TMEM130: variants seen among roughly 807,000 people sequenced by gnomAD.
TMEM130 encodes the protein transmembrane protein 130.
A neutral mutation model predicts 42.9 loss-of-function variants in TMEM130; 37 were observed. That is an observed-to-expected ratio of 0.86 (90% CI 0.66 to 1.13). The LOEUF (loss-of-function observed/expected upper bound fraction) is 1.13, where lower values mean the gene tolerates loss of function less well. Ranked by LOEUF, TMEM130 falls within the 50% of genes most tolerant of loss-of-function variation. TMEM130 has a pLI of 0.00. For missense variants in TMEM130, 545 were observed against 562.6 expected (o/e 0.97, Z 0.32); for synonymous variants, 259 against 237.7 (o/e 1.09, Z -0.82).
Position 98,860,463 on chromosome 7 carries a change from C to A in TMEM130, c.392-125G>T, listed in dbSNP as rs377220182. On this transcript the variant is annotated intron_variant, in intron 2 of 7. Coordinates refer to ENST00000339375, the MANE Select transcript of TMEM130 (RefSeq NM_152913.3). ...TGCCCGGACCTTCTGGCTGTCAGAGCTAGGCAGGGAGAGGGGACACCCCCC... is the reference window on the plus strand; with the variant it reads ...TGCCCGGACCTTCTGGCTGTCAGAGATAGGCAGGGAGAGGGGACACCCCCC... 1.8e-4 allele frequency: 180 copies of A among 1,028,412 alleles called. No individual in the cohort carries two copies. In the East Asian group the frequency reaches 2.8e-3, roughly 16 times the overall value. The allele number at this position is 1,028,412 out of a possible 1,614,324, so 63.7% of individuals were successfully genotyped here.
Position 98,869,786 on chromosome 7 carries a change from C to T in TMEM130, c.76G>A (p.Val26Met), listed in dbSNP as rs781938300. ...ACLLPWAPAG[V>M]AAGLYELNLT... ...TTGCCCAGCGCCTTACCTGCGGCCA[C>T]CCCTGCCGGGGCCCAGGGCAGGAGG... is the stretch of plus-strand genomic sequence containing the variant. Residue 26 changes from valine (V) to methionine (M), a missense_variant, in exon 1 of 8, where the codon GTG (valine) becomes ATG (methionine). Physicochemically the swap from Val to Met is conservative, Grantham distance 21 (BLOSUM62 1). Transcript: ENST00000339375. This position sits in a 1 kb window ranked among gnomAD's most constrained non-coding sequence, Gnocchi z 4.7. The T allele has an allele frequency of 1.4e-6, 2 of 1,425,156 alleles. No individual in the cohort carries two copies. The highest frequency in any genetic ancestry group is 2.9e-5 in the South Asian group (2 of 69,300). 88.3% of individuals were successfully genotyped at this position (1,425,156 alleles called of 1,614,324 possible). A position where few individuals can be genotyped will look rare whatever the true frequency, so the allele number is the denominator to read the frequency against.
intron 1 of TMEM130, among the ~76,000 whole-genome samples, chr7:98,868,379 C>T (rs1246989665): frequency 1.3e-5 from 2 of 152,224 alleles, no homozygotes; most frequent in Non-Finnish European, 2.9e-5. Flanking sequence ...GGGGCACTCA[C>T]CCCAAAGCTT....
chr7:98,848,441 T>C (rs1554397719), intron 7 of TMEM130, 142 bp downstream of exon 7: 14 of 759,790 alleles, frequency 1.8e-5, no homozygotes, highest in Admixed American at 4.8e-5. Context: ...AGATGCCTCT[T>C]GGGCACATCA....
chr7:98,869,191 ACC>A lies in TMEM130; in HGVS notation c.85+584_85+585del. 7.8e-7 allele frequency: 1 copy of A among 1,286,612 alleles called. No individual in the cohort carries two copies. The highest frequency in any genetic ancestry group is 1.5e-5 in the African/African-American group (1 of 65,670). The allele number at this position is 1,286,612 out of a possible 1,614,324, so 79.7% of individuals were successfully genotyped here. A position where few individuals can be genotyped will look rare whatever the true frequency, so the allele number is the denominator to read the frequency against. ...ACAACCCTGCTTCCCCCACTCCCCC[ACC>A]CACACACACACCCCAGGAACCTGTC... On this transcript the variant is annotated intron_variant, in intron 1 of 7. Transcript: ENST00000339375. The surrounding 1 kb of genome is among the most constrained non-coding windows in gnomAD (Gnocchi z 4.7).
intron 2 of TMEM130, 122 bp downstream of exon 2, chr7:98,862,973 A>T: frequency 9.7e-7 from 1 of 1,033,068 alleles, no homozygotes; most frequent in Non-Finnish European, 1.3e-6. Flanking sequence ...GAAGGAACCT[A>T]CGGGCCTAAT....
intron 2 of TMEM130, among the ~76,000 whole-genome samples, chr7:98,862,858 GTATTAATGTA>G (rs1324250321): frequency 2.6e-5 from 4 of 152,164 alleles, no homozygotes; most frequent in Admixed American, 2.0e-4. Flanking sequence ...CCACAGGGTT[GTATTAATGTA>G]TACCCTCAGC....
intron 3 of TMEM130, among the ~76,000 whole-genome samples, chr7:98,858,435 G>A (rs894396926): frequency 1.3e-5 from 2 of 151,946 alleles, no homozygotes; most frequent in Non-Finnish European, 2.9e-5. Context: ...CCAGCTACTC[G>A]AGAGGTCGAG....
In TMEM130 at chr7:98,851,495, T is replaced by G; in HGVS notation, c.932A>C (p.Tyr311Ser). Residue 311 changes from tyrosine to serine, a missense_variant, in exon 6 of 8, where the codon TAC becomes TCC. Physicochemically the swap from Tyr to Ser is moderately radical, Grantham distance 144 (BLOSUM62 -2). Transcript: ENST00000339375. ...ATTCTCGGCCCGGATGCTGAAGCAGTAGTCCCCAGGGTCCCTGAAGGTGTG... is the reference window on the plus strand; with the variant it reads ...ATTCTCGGCCCGGATGCTGAAGCAGGAGTCCCCAGGGTCCCTGAAGGTGTG... ...LTHTFRDPGDYCFSIRAENII... is the reference protein window; with the variant it reads ...LTHTFRDPGDSCFSIRAENII... The G allele has an allele frequency of 6.2e-7, 1 of 1,614,062 alleles. No individual in the cohort carries two copies. The highest frequency in any genetic ancestry group is 1.7e-5 in the Admixed American group (1 of 59,994).
chr7:98,855,164 A>G (rs1175073345), intron 5 of TMEM130, 76 bp downstream of exon 5: 44 of 1,355,486 alleles, frequency 3.2e-5, no homozygotes, highest in Non-Finnish European at 4.5e-5. Context: ...ACAGAGCAGA[A>G]CAGACTTGGG....
At chr7:98,851,654 A>C (rs1185611744) in intron 5 of TMEM130, 31 bp from the exon 6 acceptor site, 1 of 1,564,376 alleles carries the variant, frequency 6.4e-7, no homozygotes, top group Non-Finnish European at 8.7e-7. Context: ...TTTTTAAGAA[A>C]AGGCTCAGCA....
intron 2 of TMEM130, among the ~76,000 whole-genome samples, chr7:98,862,836 A>G (rs547445607): frequency 6.6e-6 from 1 of 152,236 alleles, no homozygotes; most frequent in South Asian, 2.1e-4. Context: ...GTACCTATTG[A>G]CCAGTCGCTC....
intron 1 of TMEM130, among the ~76,000 whole-genome samples, chr7:98,864,380 TC>T (rs1364751311): frequency 6.7e-6 from 1 of 149,756 alleles, no homozygotes; most frequent in Non-Finnish European, 1.5e-5. Flanking sequence ...CTGATTTTTT[TC>T]TTTTTTTTTT....
intron 6 of TMEM130, among the ~76,000 whole-genome samples, chr7:98,848,973 G>A (rs1173695867): frequency 6.6e-6 from 1 of 152,182 alleles, no homozygotes; most frequent in Non-Finnish European, 1.5e-5. Context: ...CCTTGAGTGA[G>A]GGCTGGACTC....
At position 98,869,900 on chromosome 7, in the gene TMEM130, G is replaced by C. The variant is rs1285154758; in HGVS notation, c.-39C>G. 1.5e-5 allele frequency: 19 copies of C among 1,292,792 alleles called. No individual in the cohort carries two copies. The highest frequency in any genetic ancestry group is 1.9e-5 in the Non-Finnish European group (19 of 1,012,080). 80.1% of individuals were successfully genotyped at this position (1,292,792 alleles called of 1,614,324 possible). On this transcript the variant is annotated 5_prime_UTR_variant, in exon 1 of 8. Coordinates refer to ENST00000339375, the MANE Select transcript of TMEM130 (RefSeq NM_152913.3). The surrounding 1 kb of genome is among the most constrained non-coding windows in gnomAD (Gnocchi z 4.7). ...GCGGGAGAAGCGTGGGGCGGACGCG[G>C]AGGGAATGCAGCTGGAGCTCGAGAA... is the stretch of plus-strand genomic sequence containing the variant.
Position 98,869,719 on chromosome 7 carries a change from G to A in TMEM130, c.85+58C>T, listed in dbSNP as rs1197242955. The A allele has an allele frequency of 4.0e-6, 5 of 1,265,598 alleles. No homozygotes were observed. The Admixed American group carries it at 1.2e-4, about 30-fold the overall frequency. 78.4% of individuals were successfully genotyped at this position (1,265,598 alleles called of 1,614,324 possible). The stretch of plus-strand genomic sequence containing the variant: ...CCCGGGCCCACTCGCCCGCTGAGAC[G>A]GTTCCAGGCCCCGGGCGGGCTGCGG... On this transcript the variant is annotated intron_variant, in intron 1 of 7. Transcript: ENST00000339375. This position sits in a 1 kb window ranked among gnomAD's most constrained non-coding sequence, Gnocchi z 4.7.
chr7:98,860,067 T>G, intron 3 of TMEM130, 112 bp downstream of exon 3: 17 of 698,370 alleles, frequency 2.4e-5, no homozygotes, highest in Non-Finnish European at 3.2e-5. Context: ...AGACTGCATC[T>G]CAAAAAAAAA....
chr7:98,863,803 T>TC (rs1408238398), intron 1 of TMEM130, among the ~76,000 whole-genome samples: 10 of 151,214 alleles, frequency 6.6e-5, no homozygotes, highest in African/African-American at 2.4e-4. Flanking sequence ...TTTTTCTTTC[T>TC]TTCTCTTCTT....
At position 98,867,399 on chromosome 7, in the gene TMEM130, C is replaced by A. The variant is rs181954925; in HGVS notation, c.85+2378G>T. 1.7e-3 allele frequency among the ~76,000 whole-genome samples: 266 copies of A among 152,206 alleles called. 1 individual carries two copies. The highest frequency in any genetic ancestry group is 6.3e-3 in the African/African-American group (260 of 41,538). On this transcript the variant is annotated intron_variant, in intron 1 of 7. Coordinates refer to ENST00000339375, the MANE Select transcript of TMEM130 (RefSeq NM_152913.3). ...AGGCAGCATTTGGCCAGGCTGTGGA[C>A]AGAGAGGTGCATGGATGAGAGACCA...
intron 3 of TMEM130, among the ~76,000 whole-genome samples, chr7:98,857,325 T>C (rs145664179): frequency 6.6e-6 from 1 of 152,086 alleles, no homozygotes; most frequent in Non-Finnish European, 1.5e-5. Context: ...TAGAGCCAGG[T>C]TCCCCCAACA....
Sources: gnomAD v4.1 joint callset for allele counts (sites outside exome capture counted in the v4.1 genomes callset) on GRCh38, gnomAD v4.1.1 for gene constraint, Gnocchi (gnomAD v3.1) non-coding constraint, MANE v1.5 for transcripts, NCBI Gene and HGNC (gene_info 2026-07-23, HGNC 2026-07-21) for gene names.